GEMIN2: variants seen among roughly 807,000 people sequenced by gnomAD.
GEMIN2 encodes the protein gem-associated protein 2.
GEMIN2 carries 37 observed loss-of-function variants against 45.8 expected under a neutral mutation model. The observed-to-expected ratio is 0.81, with a 90% CI of 0.62 to 1.06. The LOEUF (loss-of-function observed/expected upper bound fraction) is 1.06. Among genes scored for constraint, GEMIN2 ranks in the 50% least tolerant of loss-of-function variants. The pLI, the probability that GEMIN2 is intolerant of heterozygous loss-of-function variation, is 0.00. For missense variants in GEMIN2, 335 were observed against 321.8 expected, an observed-to-expected ratio of 1.04 and a Z score of -0.31; for synonymous variants, 101 against 111.5, an observed-to-expected ratio of 0.91 and a Z score of 0.60.
At chr14:39,132,975 GGTGTGTGTGTGTGT>G (rs67749459) in intron 8 of GEMIN2, among the ~76,000 whole-genome samples, 3 of 140,258 alleles carry the variant, frequency 2.1e-5, no homozygotes, top group African/African-American at 5.3e-5. Flanking sequence ...TACTGCACCT[GGTGTGTGTGTGTGT>G]GTGTGTGTGT....
intron 4 of GEMIN2, among the ~76,000 whole-genome samples, chr14:39,121,618 A>AATC (rs1479095709): frequency 6.6e-6 from 1 of 152,220 alleles, no homozygotes; most frequent in Admixed American, 6.5e-5. Flanking sequence ...GCCATAACAG[A>AATC]CTAGGTGGAT....
chr14:39,120,363 A>G (rs1391997333), intron 4 of GEMIN2, among the ~76,000 whole-genome samples: 1 of 152,116 alleles, frequency 6.6e-6, no homozygotes, highest in Non-Finnish European at 1.5e-5. Flanking sequence ...ACATGGCAAA[A>G]CCCTGTCTCT....
At chr14:39,122,625 C>T (rs1441506221) in intron 5 of GEMIN2, 82 bp downstream of exon 5, 2 of 684,974 alleles carry the variant, frequency 2.9e-6, no homozygotes, top group African/African-American at 1.9e-5. Flanking sequence ...CAAACTCTAC[C>T]CTGGGCCAAG....
chr14:39,128,280 G>T lies in GEMIN2; in HGVS notation c.532G>T (p.Ala178Ser). 3 of 1,516,092 alleles carry T rather than the reference G, an allele frequency of 2.0e-6. No homozygotes were observed. The highest frequency in any genetic ancestry group is 1.9e-5 in the Admixed American group (1 of 53,532). 93.9% of individuals were successfully genotyped at this position (1,516,092 alleles called of 1,614,324 possible). Reference sequence around the variant, plus strand: ...CTCCACCCCCTCTTTTTTTTTTTAGGCAACAGTAACTAGTGTCTTGGAATA... The same window carrying T: ...CTCCACCCCCTCTTTTTTTTTTTAGTCAACAGTAACTAGTGTCTTGGAATA... ...LLSIVSRMNQATVTSVLEYLS... is the reference protein window; with the variant it reads ...LLSIVSRMNQSTVTSVLEYLS... Residue 178 changes from alanine to serine, a missense_variant and splice_region_variant, in exon 7 of 10, where the codon GCA becomes TCA. By Grantham distance (99) the Ala-to-Ser change is moderately conservative (BLOSUM62 1). Coordinates refer to ENST00000308317, the MANE Select transcript of GEMIN2 (RefSeq NM_003616.3).
chr14:39,120,486 G>T (rs1276959820), intron 4 of GEMIN2, among the ~76,000 whole-genome samples: 3 of 152,148 alleles, frequency 2.0e-5, no homozygotes, highest in Non-Finnish European at 4.4e-5. Flanking sequence ...TAATAATCAG[G>T]ATATTCAGTA....
chr14:39,122,408 A>AG, intron 4 of GEMIN2, 22 bp from the exon 5 acceptor site: 2 of 1,054,654 alleles, frequency 1.9e-6, no homozygotes, highest in Non-Finnish European at 1.4e-6. Context: ...GGAATAAATC[A>AG]GTTTTTTTTT....
chr14:39,125,935 G>A (rs533924282), intron 6 of GEMIN2, among the ~76,000 whole-genome samples: 13 of 151,614 alleles, frequency 8.6e-5, no homozygotes, highest in Admixed American at 4.6e-4. Context: ...CAGGAGAATC[G>A]CTTGAACCTG....
intron 5 of GEMIN2, among the ~76,000 whole-genome samples, chr14:39,123,686 CTATA>C (rs71130817): frequency 0.27 from 12,137 of 45,010 alleles, 2,103 homozygotes; most frequent in Non-Finnish European, 0.35. Context: ...TCAAAAATAG[CTATA>C]TATATATATA....
intron 6 of GEMIN2, among the ~76,000 whole-genome samples, chr14:39,126,348 T>C (rs940468923): frequency 6.6e-6 from 1 of 151,860 alleles, no homozygotes; most frequent in African/African-American, 2.4e-5. Context: ...CTGGCTAATT[T>C]TGTTTATTTT....
Position 39,118,007 on chromosome 14 carries a change from A to T in GEMIN2, c.231A>T (p.Gly77=). The T allele has an allele frequency of 1.9e-6, 3 of 1,593,096 alleles. No homozygotes were observed. The highest frequency in any genetic ancestry group is 2.6e-6 in the Non-Finnish European group (3 of 1,163,804). The change falls in exon 3 of 10, where the codon GGA becomes GGT. Residue 77 remains glycine, a synonymous_variant. Transcript: ENST00000308317. The part of the protein sequence containing the change: ...RKQSVNISLS[G]CQPAPEGYSP... ...GTGAACTTGATCTCTAGCTTTCAGG[A>T]TGCCAACCCGCCCCTGAAGGTTATT...
At chr14:39,123,701 TATA>T (rs1566532827) in intron 5 of GEMIN2, among the ~76,000 whole-genome samples, 3 of 51,806 alleles carry the variant, frequency 5.8e-5, no homozygotes, top group African/African-American at 1.4e-4. Context: ...TATATATATA[TATA>T]TATATTTTTT....
Position 39,128,334 on chromosome 14 carries a change from TTTACTCCAGAATTGGTAGTA to T in GEMIN2, c.589_600+8del. 6.4e-7 allele frequency: 1 copy of T among 1,563,350 alleles called. No individual in the cohort carries two copies. The highest frequency in any genetic ancestry group is 8.8e-7 in the Non-Finnish European group (1 of 1,139,982). Reference sequence around the variant, plus strand: ...GAGTAATTGGTTTGGAGAAAGAGACTTTACTCCAGAATTGGTAGTATTGCATGTTTTTCTTTTCATAATGT... The same window carrying T: ...GAGTAATTGGTTTGGAGAAAGAGACTTTGCATGTTTTTCTTTTCATAATGT... On this transcript the variant is annotated splice_donor_variant and splice_donor_5th_base_variant and coding_sequence_variant and intron_variant, in exon 7 of 10. Transcript: ENST00000308317. LOFTEE classifies it high-confidence loss of function.
intron 9 of GEMIN2, among the ~76,000 whole-genome samples, chr14:39,135,707 A>T (rs748915991): frequency 3.9e-4 from 59 of 152,280 alleles, no homozygotes; most frequent in Middle Eastern, 3.4e-3. Flanking sequence ...TCAAGAATGC[A>T]GTGAGCCATG....
rs759863090 is a variant in GEMIN2, at chr14:39,136,827, T to G, written c.*348T>G. Reference sequence around the variant, plus strand: ...TTATTTACTTATATACATATAAAATTTTATTGAAAATATGTTTTGGTTACT... The same window carrying G: ...TTATTTACTTATATACATATAAAATGTTATTGAAAATATGTTTTGGTTACT... On this transcript the variant is annotated 3_prime_UTR_variant, in exon 10 of 10. Coordinates refer to ENST00000308317, the MANE Select transcript of GEMIN2 (RefSeq NM_003616.3). 24 of 176,600 alleles carry G rather than the reference T, an allele frequency of 1.4e-4. No homozygotes were observed. The highest frequency in any genetic ancestry group is 2.4e-4 in the Non-Finnish European group (20 of 84,740). 10.9% of individuals were successfully genotyped at this position (176,600 alleles called of 1,614,324 possible).
At chr14:39,120,001 G>C (rs886757436) in intron 4 of GEMIN2, among the ~76,000 whole-genome samples, 1 of 152,172 alleles carries the variant, frequency 6.6e-6, no homozygotes, top group Non-Finnish European at 1.5e-5. Flanking sequence ...ACAGGGCTAG[G>C]TAGGTAAATA....
At chr14:39,129,976 T>C (rs898352040) in intron 7 of GEMIN2, among the ~76,000 whole-genome samples, 4 of 137,260 alleles carry the variant, frequency 2.9e-5, no homozygotes, top group African/African-American at 1.1e-4. Context: ...AGTCTCACTC[T>C]GTCACCCAGG....
rs77864159 is a variant in GEMIN2 at position 39,114,709 on chromosome 14, T to C, written c.138-120T>C. 3.9e-4 allele frequency: 272 copies of C among 689,184 alleles called. 1 individual carries two copies. In the African/African-American group the frequency reaches 4.3e-3, roughly 11 times the overall value. 42.7% of individuals were successfully genotyped at this position (689,184 alleles called of 1,614,324 possible). A position where few individuals can be genotyped will look rare whatever the true frequency, so the allele number is the denominator to read the frequency against. On this transcript the variant is annotated intron_variant, in intron 1 of 9. Coordinates refer to ENST00000308317, the MANE Select transcript of GEMIN2 (RefSeq NM_003616.3). ...AGAAATACATTGTTTAGTACCTCAA[T>C]TGGAAGTCTGAATTTTTTTCTGATT...
intron 6 of GEMIN2, among the ~76,000 whole-genome samples, chr14:39,126,718 T>C (rs917626728): frequency 3.3e-5 from 5 of 152,164 alleles, no homozygotes; most frequent in African/African-American, 7.2e-5. Context: ...ATTTGTACTT[T>C]GATTTAATTT....
chr14:39,130,604 C>G (rs779938401), intron 7 of GEMIN2, among the ~76,000 whole-genome samples: 3 of 152,076 alleles, frequency 2.0e-5, no homozygotes, highest in East Asian at 1.9e-4. Flanking sequence ...CATTTAACTA[C>G]AAGGGATGGC....
Sources: allele counts gnomAD v4.1 joint callset (sites outside exome capture counted in the v4.1 genomes callset), GRCh38; gene constraint gnomAD v4.1.1; transcripts MANE v1.5; gene names NCBI Gene and HGNC (gene_info 2026-07-23, HGNC 2026-07-21).